The following GPR137B variants were observed in gnomAD, a reference collection of about 807,000 sequenced individuals.
GPR137B encodes G protein-coupled receptor 137B.
GPR137B carries 42 observed loss-of-function variants against 42.5 expected under a neutral mutation model. The ratio of observed to expected loss-of-function variants is 0.99; its 90% confidence interval spans 0.77 to 1.28. GPR137B has a LOEUF of 1.28. GPR137B is among the 50% of genes most tolerant of loss of function. The probability of loss-of-function intolerance (pLI) is 0.00; values close to 1 mark genes in which losing one functional copy is unlikely to be tolerated. For synonymous variants in GPR137B, 218 were observed against 209.7 expected (o/e 1.04, Z -0.34); for missense variants, 487 against 493.9 (o/e 0.99, Z 0.13).
intron 4 of GPR137B, 89 bp from the exon 5 acceptor site, chr1:236,183,689 G>C: frequency 1.1e-6 from 1 of 895,278 alleles, no homozygotes; most frequent in Non-Finnish European, 1.8e-6. Context: ...TAGAGTATTA[G>C]AATTATTCTC....
Position 236,171,252 on chromosome 1 carries a change from G to A in GPR137B, c.464+2497G>A, listed in dbSNP as rs1341650276. 2.6e-5 allele frequency among the ~76,000 whole-genome samples: 4 copies of A among 152,236 alleles called. No homozygotes were observed. The highest frequency in any genetic ancestry group is 4.4e-5 in the Non-Finnish European group (3 of 68,018). On this transcript the variant is annotated intron_variant, in intron 2 of 6. Transcript: ENST00000366592. This position sits in a 1 kb window ranked among gnomAD's most constrained non-coding sequence, Gnocchi z 4.4. ...AAAGTTTCAGATTTTGGAGCATTTC[G>A]GATTTTGAATTTTTGGGTTAGGGAT...
At chr1:236,149,997 G>A (rs1661801538) in intron 1 of GPR137B, among the ~76,000 whole-genome samples, 1 of 151,312 alleles carries the variant, frequency 6.6e-6, no homozygotes, top group South Asian at 2.1e-4. Context: ...GTTTGTGTAT[G>A]TGTGCCTGTG....
intron 1 of GPR137B, among the ~76,000 whole-genome samples, chr1:236,160,395 C>T (rs747775960): frequency 1.6e-4 from 24 of 152,102 alleles, no homozygotes; most frequent in Non-Finnish European, 2.2e-4. Context: ...TCCCCGGGGT[C>T]CCTGTCATTA....
In GPR137B at chr1:236,155,982, C is replaced by T. The variant is rs555132932; in HGVS notation, c.415-12724C>T. 1.1e-4 allele frequency among the ~76,000 whole-genome samples: 17 copies of T among 152,264 alleles called. No homozygotes were observed. Among genetic ancestry groups the T allele is most frequent in the East Asian group, 7.7e-4 (4 of 5,172 alleles). ...AAACGCACACACATGCACACACACGCGCGCGCGCAAACACACATGCATACA... is the reference window on the plus strand; with the variant it reads ...AAACGCACACACATGCACACACACGTGCGCGCGCAAACACACATGCATACA... On this transcript the variant is annotated intron_variant, in intron 1 of 6. Transcript: ENST00000366592. This position sits in a 1 kb window ranked among gnomAD's most constrained non-coding sequence, Gnocchi z 4.6.
At position 236,178,516 on chromosome 1, in the gene GPR137B, T is replaced by TA; in HGVS notation, c.568dup (p.Ile190AsnfsTer9). The TA allele has an allele frequency of 3.7e-6, 6 of 1,613,106 alleles. No individual in the cohort carries two copies. Among genetic ancestry groups the TA allele is most frequent in the Non-Finnish European group, 5.1e-6 (6 of 1,179,232 alleles). On this transcript the variant is annotated frameshift_variant, in exon 3 of 7. Transcript: ENST00000366592. LOFTEE classifies it high-confidence loss of function. Reference sequence around the variant, plus strand: ...AGACGGGAAATTGGGAGAGGAAGGTTATCGTCTCTGTGCGAGTGGCCATTA... The same window carrying TA: ...AGACGGGAAATTGGGAGAGGAAGGTTAATCGTCTCTGTGCGAGTGGCCATTA...
intron 1 of GPR137B, among the ~76,000 whole-genome samples, chr1:236,148,343 C>T (rs899215087): frequency 2.4e-4 from 36 of 152,178 alleles, no homozygotes; most frequent in African/African-American, 8.2e-4. Flanking sequence ...GGTGACACCT[C>T]GGCAGCCACG....
intron 1 of GPR137B, among the ~76,000 whole-genome samples, chr1:236,167,360 A>C (rs1345711622): frequency 6.6e-6 from 1 of 152,200 alleles, no homozygotes. Flanking sequence ...GCTCCCCAGG[A>C]CTTACTCAAC....
At chr1:236,181,139 TA>T (rs1662861061) in intron 4 of GPR137B, among the ~76,000 whole-genome samples, 1 of 152,152 alleles carries the variant, frequency 6.6e-6, no homozygotes, top group Admixed American at 6.5e-5. Context: ...TGACTGAGGA[TA>T]TTAAAGTTTT....
Position 236,208,107 on chromosome 1 carries a change from A to C in GPR137B, c.1149A>C (p.Ala383=). ...GQQTNSFLAQ[A]GTLQDSTLDP... ...AAACTAACAGCTTCCTGGCACAAGC[A>C]GGAACTTTGCAAGACTCAACTTTGG... The change falls in exon 7 of 7, where the codon GCA becomes GCC. Residue 383 remains alanine (A), a synonymous_variant. Transcript: ENST00000366592. 1 of 1,613,716 alleles carries C rather than the reference A, an allele frequency of 6.2e-7. No individual in the cohort carries two copies. The highest frequency in any genetic ancestry group is 8.5e-7 in the Non-Finnish European group (1 of 1,179,606).
intron 2 of GPR137B, among the ~76,000 whole-genome samples, chr1:236,169,809 G>A (rs144381429): frequency 2.6e-5 from 4 of 152,064 alleles, no homozygotes; most frequent in Non-Finnish European, 5.9e-5. Flanking sequence ...GGAGGCCGAG[G>A]TGGGCTGATC....
chr1:236,169,218 A>G (rs1662456400), intron 2 of GPR137B, among the ~76,000 whole-genome samples: 1 of 141,228 alleles, frequency 7.1e-6, no homozygotes, highest in East Asian at 1.9e-4. Flanking sequence ...GTGCAGGTAC[A>G]GGTACAGGTA....
At chr1:236,178,278 C>T (rs1571987933) in intron 2 of GPR137B, 136 bp from the exon 3 acceptor site, 7 of 622,874 alleles carry the variant, frequency 1.1e-5, no homozygotes, top group African/African-American at 5.5e-5. Context: ...AATCTGGGAA[C>T]GTCTATTGCC....
rs1558483205 is a variant in GPR137B, at chr1:236,164,885, C to CG, written c.415-3821_415-3820insG. 4.0e-5 allele frequency among the ~76,000 whole-genome samples: 5 copies of CG among 123,586 alleles called. No individual in the cohort carries two copies. In the South Asian group the frequency reaches 1.2e-3, roughly 29 times the overall value. The allele number at this position is 123,586 out of a possible 152,430, so 81.1% of individuals were successfully genotyped here. A position where few individuals can be genotyped will look rare whatever the true frequency, so the allele number is the denominator to read the frequency against. On this transcript the variant is annotated intron_variant, in intron 1 of 6. Transcript: ENST00000366592. ...AGCTTGAATAGTGCCCAGATGAATT[C>CG]AAGAGAGAGAGAGAGAGAGAGAGAG...
chr1:236,178,740 TTGAC>T lies in GPR137B; in HGVS notation c.687+106_687+109del, dbSNP rs1662768003. 6 of 696,174 alleles carry T rather than the reference TTGAC, an allele frequency of 8.6e-6. No individual in the cohort carries two copies. The Admixed American group carries it at 1.1e-4, about 13-fold the overall frequency. 43.1% of individuals were successfully genotyped at this position (696,174 alleles called of 1,614,324 possible). Reference sequence around the variant, plus strand: ...GATGAATTTTAGACTTGATTTTGCCTTGACTTTCTCCGTTTTATTGTCTCCCACA... The same window carrying T: ...GATGAATTTTAGACTTGATTTTGCCTTTTCTCCGTTTTATTGTCTCCCACA... On this transcript the variant is annotated intron_variant, in intron 3 of 6. Coordinates refer to ENST00000366592, the MANE Select transcript of GPR137B (RefSeq NM_003272.4).
At chr1:236,168,599 T>C in intron 1 of GPR137B, 107 bp from the exon 2 acceptor site, 1 of 793,798 alleles carries the variant, frequency 1.3e-6, no homozygotes. Context: ...ATAAAAAACG[T>C]GCCCAGCGCT....
In GPR137B at chr1:236,208,067, A is replaced by G. The variant is rs1256325415; in HGVS notation, c.1109A>G (p.Tyr370Cys). Reference protein sequence around the residue: ...GLQGGFAPDYYDWGQQTNSFL... With the variant: ...GLQGGFAPDYCDWGQQTNSFL... ...TTTTTAAGTTTTGCTCCAGATTACT[A>G]TGATTGGGGACAACAAACTAACAGC... Residue 370 changes from tyrosine to cysteine, a missense_variant, in exon 7 of 7, where the codon TAT (tyrosine) becomes TGT (cysteine). Transcript: ENST00000366592. 1 of 1,612,600 alleles carries G rather than the reference A, an allele frequency of 6.2e-7. No homozygotes were observed. The highest frequency in any genetic ancestry group is 2.2e-5 in the East Asian group (1 of 44,850).
At chr1:236,177,258 G>A (rs1203453936) in intron 2 of GPR137B, among the ~76,000 whole-genome samples, 1 of 152,150 alleles carries the variant, frequency 6.6e-6, no homozygotes, top group Admixed American at 6.5e-5. Context: ...GCATGGACCT[G>A]GGTGGGCTGG....
intron 6 of GPR137B, among the ~76,000 whole-genome samples, chr1:236,206,825 C>T (rs532045896): frequency 5.3e-5 from 7 of 133,102 alleles, no homozygotes; most frequent in Admixed American, 1.5e-4. Flanking sequence ...GGCTCTGAGA[C>T]GGTGAGGCCA....
Position 236,150,531 on chromosome 1 carries a change from G to A in GPR137B, c.414+7495G>A, listed in dbSNP as rs1027012367. On this transcript the variant is annotated intron_variant, in intron 1 of 6. Transcript: ENST00000366592. This position sits in a 1 kb window ranked among gnomAD's most constrained non-coding sequence, Gnocchi z 6.2. ...CGGTGATGCCCTGCCAACCGAGGGG[G>A]AACTAAATCCTGTTAATGCCCTCAG... Among the ~76,000 whole-genome samples, 1 of 152,144 alleles carries A rather than the reference G, an allele frequency of 6.6e-6. No individual in the cohort carries two copies. Among genetic ancestry groups the A allele is most frequent in the Non-Finnish European group, 1.5e-5 (1 of 68,018 alleles).
Sources: allele counts gnomAD v4.1 joint callset (sites outside exome capture counted in the v4.1 genomes callset), GRCh38; gene constraint gnomAD v4.1.1; non-coding constraint Gnocchi (gnomAD v3.1); transcripts MANE v1.5; gene names NCBI Gene and HGNC (gene_info 2026-07-23, HGNC 2026-07-21).